The following RAD50 variants were observed in gnomAD, a reference collection of about 807,000 sequenced individuals.
RAD50 encodes the protein DNA repair protein RAD50.
RAD50 carries 132 observed loss-of-function variants against 168.8 expected under a neutral mutation model. The observed-to-expected ratio is 0.78, with a 90% CI of 0.68 to 0.90. The LOEUF is 0.90. Among genes scored for constraint, RAD50 ranks in the 40% least tolerant of loss-of-function variants. The pLI is 0.00. For missense variants in RAD50, 1,347 were observed against 1,534.4 expected (o/e 0.88, Z 2.04); for synonymous variants, 525 against 497.4 (o/e 1.06, Z -0.74).
At chr5:132,591,827 A>G (rs1341451449) in intron 10 of RAD50, 50 bp from the exon 11 acceptor site, 3 of 1,350,734 alleles carry the variant, frequency 2.2e-6, no homozygotes, top group African/African-American at 1.5e-5. Context: ...TTCTTGATAT[A>G]ATGTGGAGAT....
chr5:132,594,828 TC>T (rs756195997), intron 11 of RAD50, 40 bp from the exon 12 acceptor site: 1 of 1,556,412 alleles, frequency 6.4e-7, no homozygotes, highest in East Asian at 2.2e-5. Context: ...AACTAATTTC[TC>T]CTATTTTAAA....
chr5:132,624,992 C>T (rs1751347224), intron 21 of RAD50, among the ~76,000 whole-genome samples: 1 of 151,012 alleles, frequency 6.6e-6, no homozygotes, highest in African/African-American at 2.4e-5. Flanking sequence ...AAAAGTCCAA[C>T]ATGATAAGTT....
intron 19 of RAD50, among the ~76,000 whole-genome samples, chr5:132,614,451 A>G (rs989231445): frequency 6.6e-6 from 1 of 151,918 alleles, no homozygotes; most frequent in Non-Finnish European, 1.5e-5. Flanking sequence ...CCTTTAGTAG[A>G]TACATATTCA....
rs768404364 is a variant in RAD50, at chr5:132,594,901, A to G, written c.1826A>G (p.Asn609Ser). 6.2e-7 allele frequency: 1 copy of G among 1,606,018 alleles called. No homozygotes were observed. Among genetic ancestry groups the G allele is most frequent in the Non-Finnish European group, 8.5e-7 (1 of 1,172,692 alleles). ...KELASSEQNK[N>S]HINNELKRKE... is the part of the protein sequence containing the mutation. ...CTAGCTTCATCTGAGCAGAATAAAA[A>G]TCATATAAATAATGAACTAAAAAGA... The change falls in exon 12 of 25, where the codon AAT (asparagine) becomes AGT (serine). Residue 609 changes from asparagine (N) to serine (S), a missense_variant. Transcript: ENST00000378823.
At chr5:132,585,163 A>T (rs964000420) in intron 5 of RAD50, among the ~76,000 whole-genome samples, 5 of 152,208 alleles carry the variant, frequency 3.3e-5, no homozygotes, top group African/African-American at 1.2e-4. Context: ...ACTTCTGTAT[A>T]CAGGTCTTTG....
chr5:132,616,299 T>A (rs548674126), intron 20 of RAD50, among the ~76,000 whole-genome samples, 169 bp downstream of exon 20: 10 of 152,332 alleles, frequency 6.6e-5, no homozygotes, highest in Middle Eastern at 3.4e-3. Context: ...CCTTAAGAAC[T>A]TTATTACTGA....
Position 132,580,101 on chromosome 5 carries a change from T to C in RAD50, c.756+35T>C, listed in dbSNP as rs750603729. On this transcript the variant is annotated intron_variant, in intron 5 of 24. Transcript: ENST00000378823. ...TTTTATTTTTAATTGACAAAAATTG[T>C]ATATCTTTATGGTATACAGCATGAT... is the stretch of plus-strand genomic sequence containing the variant. 7.3e-6 allele frequency: 11 copies of C among 1,507,796 alleles called. No homozygotes were observed. The South Asian group carries it at 1.2e-4, about 17-fold the overall frequency. 93.4% of individuals were successfully genotyped at this position (1,507,796 alleles called of 1,614,324 possible). A position where few individuals can be genotyped will look rare whatever the true frequency, so the allele number is the denominator to read the frequency against.
In RAD50 at chr5:132,609,165, G is replaced by A. The variant is rs1554099366; in HGVS notation, c.2878G>A (p.Asp960Asn). ...KVKNIHGYMKDIENYIQDGKD... is the reference protein window; with the variant it reads ...KVKNIHGYMKNIENYIQDGKD... Reference sequence around the variant, plus strand: ...TAAAAATATTCATGGCTATATGAAAGACATTGAGAATTATATTCAAGATGG... The same window carrying A: ...TAAAAATATTCATGGCTATATGAAAAACATTGAGAATTATATTCAAGATGG... The change falls in exon 18 of 25, where the codon GAC becomes AAC. Residue 960 changes from aspartate (D) to asparagine (N), a missense_variant. Physicochemically the swap from Asp to Asn is conservative, Grantham distance 23 (BLOSUM62 1). Transcript: ENST00000378823. 6.2e-7 allele frequency: 1 copy of A among 1,611,778 alleles called. No individual in the cohort carries two copies. The highest frequency in any genetic ancestry group is 8.5e-7 in the Non-Finnish European group (1 of 1,179,018).
intron 3 of RAD50, among the ~76,000 whole-genome samples, chr5:132,577,158 T>C (rs1375401572): frequency 1.3e-5 from 2 of 152,208 alleles, no homozygotes; most frequent in Admixed American, 6.5e-5. Context: ...TCCTTGTTCT[T>C]TCCGTCTTTT....
Position 132,638,761 on chromosome 5 carries a change from C to T in RAD50, c.3618+538C>T, listed in dbSNP as rs148445508. On this transcript the variant is annotated intron_variant, in intron 23 of 24. Coordinates refer to ENST00000378823, the MANE Select transcript of RAD50 (RefSeq NM_005732.4). The stretch of plus-strand genomic sequence containing the variant: ...ACAAAGACTTAGCTGCTGGGTCAGG[C>T]CATCTGGCTTCAGGTAAGGCTCTGT... Among the ~76,000 whole-genome samples, 452 of 152,302 alleles carry T rather than the reference C, an allele frequency of 3.0e-3. 2 individuals are homozygous for T. Among genetic ancestry groups the T allele is most frequent in the Middle Eastern group, 0.017 (5 of 294 alleles).
At position 132,642,115 on chromosome 5, in the gene RAD50, T is replaced by C. The variant is rs956685782; in HGVS notation, c.3753-63T>C. On this transcript the variant is annotated intron_variant, in intron 24 of 24. Transcript: ENST00000378823. ...TGTGTCTGACAAGGTTTGCGGTGACTTTTCAAATCAAAGAAGGGGTTATGC... is the reference window on the plus strand; with the variant it reads ...TGTGTCTGACAAGGTTTGCGGTGACCTTTCAAATCAAAGAAGGGGTTATGC... 5.8e-6 allele frequency: 9 copies of C among 1,550,324 alleles called. No homozygotes were observed. The African/African-American group carries it at 1.2e-4, about 21-fold the overall frequency.
rs1750002455 is a variant in RAD50 at position 132,556,980 on chromosome 5, T to G, written c.-345T>G. 1.1e-6 allele frequency: 1 copy of G among 930,024 alleles called. No individual in the cohort carries two copies. 57.6% of individuals were successfully genotyped at this position (930,024 alleles called of 1,614,324 possible). On this transcript the variant is annotated 5_prime_UTR_variant, in exon 1 of 25. Transcript: ENST00000378823. ...ACGCGTGCGGGCCTAGAGGCCCACG[T>G]GATCCGCAGGGCGGCCGAGGCAGGA...
rs1257141008 is a variant in RAD50, at chr5:132,559,295, A to G, written c.141A>G (p.Glu47=). 8.1e-6 allele frequency: 13 copies of G among 1,603,982 alleles called. No individual in the cohort carries two copies. Among genetic ancestry groups the G allele is most frequent in the Admixed American group, 5.1e-5 (3 of 59,338 alleles). Residue 47 remains glutamate, a synonymous_variant, in exon 2 of 25, where the codon GAA becomes GAG. Transcript: ENST00000378823. ...PNGAGKTTII[E]CLKYICTGDF... ...TTCTATTTCTTTAGACCATCATTGA[A>G]TGTCTAAAATATATTTGTACTGGAG...
intron 24 of RAD50, 87 bp from the exon 25 acceptor site, chr5:132,642,091 G>GTGTC: frequency 7.2e-7 from 1 of 1,395,990 alleles, no homozygotes; most frequent in South Asian, 1.2e-5. Flanking sequence ...ACAAGTTCAT[G>GTGTC]TGTCTGACAA....
intron 21 of RAD50, among the ~76,000 whole-genome samples, chr5:132,619,161 C>G (rs1751230428): frequency 6.6e-6 from 1 of 152,018 alleles, no homozygotes; most frequent in Non-Finnish European, 1.5e-5. Context: ...GGTTTTTTTC[C>G]AGGTCTTGTC....
chr5:132,642,052 G>C, intron 24 of RAD50, 126 bp from the exon 25 acceptor site: 2 of 1,027,156 alleles, frequency 1.9e-6, no homozygotes, highest in South Asian at 2.8e-5. Flanking sequence ...TCCACTTCCT[G>C]CAGGGTAGCT....
chr5:132,557,010 G>GT lies in RAD50; in HGVS notation c.-314dup. The GT allele has an allele frequency of 1.4e-6, 1 of 738,022 alleles. No individual in the cohort carries two copies. The highest frequency in any genetic ancestry group is 2.0e-6 in the Non-Finnish European group (1 of 498,168). 45.7% of individuals were successfully genotyped at this position (738,022 alleles called of 1,614,324 possible). The stretch of plus-strand genomic sequence containing the variant: ...CGCAGGGCGGCCGAGGCAGGAAGCT[G>GT]TGAGTGCGCGGTTGCGGGGTCGCAT... On this transcript the variant is annotated 5_prime_UTR_variant, in exon 1 of 25. Coordinates refer to ENST00000378823, the MANE Select transcript of RAD50 (RefSeq NM_005732.4).
Position 132,589,696 on chromosome 5 carries a change from T to C in RAD50, c.1311T>C (p.Thr437=), listed in dbSNP as rs786202706. The change falls in exon 9 of 25, where the codon ACT becomes ACC. Residue 437 remains threonine (T), a synonymous_variant. Coordinates refer to ENST00000378823, the MANE Select transcript of RAD50 (RefSeq NM_005732.4). ...KQIDEIRDKK[T]GLGRIIELKS... is the part of the protein sequence containing the mutation. ...TAGATGAGATAAGAGATAAGAAAAC[T>C]GGACTGGGAAGAATAATTGAGTTAA... 5.4e-5 allele frequency: 87 copies of C among 1,612,220 alleles called. No individual in the cohort carries two copies. Among genetic ancestry groups the C allele is most frequent in the Non-Finnish European group, 7.1e-5 (84 of 1,179,040 alleles).
chr5:132,631,930 CT>C (rs1231446329), intron 21 of RAD50, among the ~76,000 whole-genome samples: 1 of 152,210 alleles, frequency 6.6e-6, no homozygotes, highest in Non-Finnish European at 1.5e-5. Context: ...ACCGTGGCAC[CT>C]TTCCCACCTC....
Sources: gnomAD v4.1 joint callset for allele counts (sites outside exome capture counted in the v4.1 genomes callset) on GRCh38, gnomAD v4.1.1 for gene constraint, MANE v1.5 for transcripts, NCBI Gene and HGNC (gene_info 2026-07-23, HGNC 2026-07-21) for gene names.